RSRC1: variants seen among roughly 807,000 people sequenced by gnomAD.
RSRC1 encodes the protein arginine and serine rich coiled-coil 1.
RSRC1 carries 39 observed loss-of-function variants against 49.1 expected under a neutral mutation model. That is an observed-to-expected ratio of 0.79 (90% CI 0.61 to 1.04). The LOEUF is 1.04. Ranked by LOEUF, RSRC1 falls within the 50% of genes least tolerant of loss-of-function variation. The pLI is 0.00. For missense variants in RSRC1, 388 were observed against 402.4 expected (o/e 0.96, Z 0.31); for synonymous variants, 143 against 130.8 (o/e 1.09, Z -0.63).
chr3:158,170,444 G>A (rs921148166), intron 3 of RSRC1, among the ~76,000 whole-genome samples: 1 of 151,952 alleles, frequency 6.6e-6, no homozygotes, highest in South Asian at 2.1e-4. Context: ...GACTTTTGGT[G>A]CTTGAAAAGA....
intron 7 of RSRC1, among the ~76,000 whole-genome samples, chr3:158,514,068 C>A (rs1740359707): frequency 6.6e-6 from 1 of 152,166 alleles, no homozygotes; most frequent in African/African-American, 2.4e-5. Context: ...AGAAAACCAG[C>A]TCCTGGATTC....
intron 4 of RSRC1, among the ~76,000 whole-genome samples, chr3:158,210,877 G>A (rs1721634232): frequency 6.6e-6 from 1 of 152,074 alleles, no homozygotes; most frequent in Non-Finnish European, 1.5e-5. Context: ...CACACAGTGT[G>A]CCCAATGGGA....
chr3:158,459,565 T>A (rs1737513800), intron 6 of RSRC1, among the ~76,000 whole-genome samples: 1 of 152,080 alleles, frequency 6.6e-6, no homozygotes, highest in Non-Finnish European at 1.5e-5. Flanking sequence ...ATATCTACAA[T>A]TACACATATA....
At position 158,539,476 on chromosome 3, in the gene RSRC1, G is replaced by GTTA. The variant is rs1437524586; in HGVS notation, c.759+2281_759+2283dup. On this transcript the variant is annotated intron_variant, in intron 8 of 9. Transcript: ENST00000611884. The surrounding 1 kb of genome is among the most constrained non-coding windows in gnomAD (Gnocchi z 4.1). ...CAGCTTGTTTTCAAACTTAGTATGA[G>GTTA]TTATTCAACCCTAATGTTGTTGTAT... is the stretch of plus-strand genomic sequence containing the variant. 1.3e-5 allele frequency among the ~76,000 whole-genome samples: 2 copies of GTTA among 152,046 alleles called. No homozygotes were observed. The highest frequency in any genetic ancestry group is 1.5e-5 in the Non-Finnish European group (1 of 67,958).
chr3:158,208,937 G>C (rs866657), intron 4 of RSRC1, among the ~76,000 whole-genome samples: 98,549 of 151,920 alleles, frequency 0.65, 32,253 homozygotes, highest in East Asian at 0.84. Context: ...GATCCAAACT[G>C]CCTAACATAT....
intron 3 of RSRC1, among the ~76,000 whole-genome samples, chr3:158,173,745 A>G (rs1719022131): frequency 1.3e-5 from 2 of 152,022 alleles, no homozygotes; most frequent in Admixed American, 6.6e-5. Context: ...AAAATGTGGT[A>G]TATCTCTACC....
chr3:158,280,939 G>A (rs1161346752), intron 4 of RSRC1, among the ~76,000 whole-genome samples: 7 of 152,022 alleles, frequency 4.6e-5, no homozygotes, highest in East Asian at 1.9e-4. Context: ...GAGCCACCGC[G>A]CCTGGCCCAA....
chr3:158,198,613 T>TG (rs1720808362), intron 3 of RSRC1, among the ~76,000 whole-genome samples: 1 of 152,204 alleles, frequency 6.6e-6, no homozygotes, highest in African/African-American at 2.4e-5. Flanking sequence ...GGCATGTTGT[T>TG]GCAGTGGCTG....
At chr3:158,185,092 G>A (rs1323034879) in intron 3 of RSRC1, among the ~76,000 whole-genome samples, 1 of 151,852 alleles carries the variant, frequency 6.6e-6, no homozygotes, top group Non-Finnish European at 1.5e-5. Context: ...TTTAGATTTT[G>A]CACATTAGAA....
At chr3:158,195,082 C>T (rs1288796210) in intron 3 of RSRC1, among the ~76,000 whole-genome samples, 1 of 152,192 alleles carries the variant, frequency 6.6e-6, no homozygotes, top group Non-Finnish European at 1.5e-5. Context: ...CACTGTCTTC[C>T]ACCATGGTTG....
At chr3:158,262,574 AATC>A (rs1371909215) in intron 4 of RSRC1, among the ~76,000 whole-genome samples, 1 of 152,148 alleles carries the variant, frequency 6.6e-6, no homozygotes, top group Non-Finnish European at 1.5e-5. Flanking sequence ...CAAATTTTAT[AATC>A]ATCTTGTCAG....
intron 7 of RSRC1, among the ~76,000 whole-genome samples, chr3:158,492,133 G>T (rs1026803767): frequency 1.3e-5 from 2 of 152,116 alleles, no homozygotes; most frequent in African/African-American, 2.4e-5. Flanking sequence ...GAGCAAGGGG[G>T]AACTGTCAGA....
chr3:158,321,474 A>G (rs547056312), intron 5 of RSRC1, among the ~76,000 whole-genome samples: 4 of 152,086 alleles, frequency 2.6e-5, no homozygotes, highest in South Asian at 2.1e-4. Flanking sequence ...GTAATCACAT[A>G]TGCAATCTAC....
intron 9 of RSRC1, 140 bp downstream of exon 9, chr3:158,543,627 G>A: frequency 1.2e-6 from 1 of 801,670 alleles, no homozygotes; most frequent in East Asian, 2.9e-5. Flanking sequence ...TAGGCATCTG[G>A]CCCCCAGGCC....
intron 3 of RSRC1, among the ~76,000 whole-genome samples, chr3:158,185,734 C>T (rs1445222950): frequency 1.3e-5 from 2 of 151,798 alleles, no homozygotes; most frequent in Non-Finnish European, 2.9e-5. Flanking sequence ...TATTCTTTTA[C>T]CCCTTTGTAA....
chr3:158,332,056 A>C (rs1273462444), intron 5 of RSRC1, among the ~76,000 whole-genome samples: 2 of 152,118 alleles, frequency 1.3e-5, no homozygotes, highest in Non-Finnish European at 2.9e-5. Flanking sequence ...AGTCACAAAG[A>C]GACTAGCAAG....
At chr3:158,361,308 C>T (rs1731457572) in intron 6 of RSRC1, among the ~76,000 whole-genome samples, 1 of 152,198 alleles carries the variant, frequency 6.6e-6, no homozygotes, top group South Asian at 2.1e-4. Flanking sequence ...GCCCCCAAAG[C>T]ATGGCCTCAG....
chr3:158,543,522 G>A (rs1713154278), intron 9 of RSRC1, 35 bp downstream of exon 9: 1 of 1,571,410 alleles, frequency 6.4e-7, no homozygotes, highest in Non-Finnish European at 8.6e-7. Context: ...GTCAGTTGAA[G>A]TCTAATTTAC....
At chr3:158,245,835 T>G (rs1723856611) in intron 4 of RSRC1, among the ~76,000 whole-genome samples, 1 of 152,236 alleles carries the variant, frequency 6.6e-6, no homozygotes, top group Non-Finnish European at 1.5e-5. Context: ...TTATGATCTT[T>G]GTTGGTTTAA....
Sources: gnomAD v4.1 joint callset for allele counts (sites outside exome capture counted in the v4.1 genomes callset) on GRCh38, gnomAD v4.1.1 for gene constraint, Gnocchi (gnomAD v3.1) non-coding constraint, MANE v1.5 for transcripts, NCBI Gene and HGNC (gene_info 2026-07-23, HGNC 2026-07-21) for gene names.